Variants in C17orf99 observed in about 807,000 individuals in gnomAD.
The protein encoded by C17orf99 is protein IL-40.
A neutral mutation model predicts 22.6 loss-of-function variants in C17orf99; 18 were observed. That is an observed-to-expected ratio of 0.80 (90% CI 0.55 to 1.18). The LOEUF (loss-of-function observed/expected upper bound fraction) is 1.18, where lower values mean the gene tolerates loss of function less well. C17orf99 is among the 50% of genes most tolerant of loss of function. C17orf99 has a pLI of 0.00. For synonymous variants in C17orf99, 147 were observed against 136.6 expected (o/e 1.08, Z -0.53); for missense variants, 328 against 342.7 (o/e 0.96, Z 0.34).
chr17:78,146,413 G>T lies in C17orf99; in HGVS notation c.6G>T (p.Gly2=). The T allele has an allele frequency of 6.5e-7, 1 of 1,550,284 alleles. No homozygotes were observed. The highest frequency in any genetic ancestry group is 8.7e-7 in the Non-Finnish European group (1 of 1,146,874). The change falls in exon 1 of 5, where the codon GGG becomes GGT. Residue 2 remains glycine, a synonymous_variant. Transcript: ENST00000340363. This position sits in a 1 kb window ranked among gnomAD's most constrained non-coding sequence, Gnocchi z 5.2. ...GGCCCTACACCCACCGAGGCATGGG[G>T]CTCCCTGGGCTGTTCTGCTTGGCCG... M[G]LPGLFCLAVL...
intron 2 of C17orf99, chr17:78,157,496 T>G: frequency 8.1e-7 from 1 of 1,237,548 alleles, no homozygotes; most frequent in Non-Finnish European, 1.1e-6. Flanking sequence ...GTCCTCAGCA[T>G]TGTGTAAAAA....
At chr17:78,155,965 G>A (rs2075521955) in intron 2 of C17orf99, among the ~76,000 whole-genome samples, 1 of 151,882 alleles carries the variant, frequency 6.6e-6, no homozygotes. Flanking sequence ...CCCGCCATTG[G>A]TATAATACAA....
intron 2 of C17orf99, among the ~76,000 whole-genome samples, chr17:78,148,338 C>T (rs1826387046): frequency 6.6e-6 from 1 of 152,030 alleles, no homozygotes; most frequent in Non-Finnish European, 1.5e-5. Flanking sequence ...CACCACCATG[C>T]CCAGCTGATT....
At chr17:78,157,390 T>G in intron 2 of C17orf99, 207 of 1,198,446 alleles carry the variant, frequency 1.7e-4, no homozygotes, top group Non-Finnish European at 2.2e-4. Flanking sequence ...GTTGAGTCAG[T>G]GAGTTCGTGC....
intron 2 of C17orf99, among the ~76,000 whole-genome samples, chr17:78,149,680 C>T (rs963177880): frequency 1.3e-5 from 2 of 151,994 alleles, no homozygotes; most frequent in Non-Finnish European, 2.9e-5. Flanking sequence ...ACTACAGGCA[C>T]ACGCCATCAC....
intron 3 of C17orf99, 108 bp downstream of exon 3, chr17:78,161,362 G>GT (rs1284800311): frequency 2.0e-6 from 2 of 976,628 alleles, no homozygotes; most frequent in Admixed American, 4.5e-5. Context: ...GAGAGCCAGG[G>GT]TGTGAGGGTG....
At chr17:78,148,357 TAAAGA>T (rs2075452014) in intron 2 of C17orf99, among the ~76,000 whole-genome samples, 2 of 152,082 alleles carry the variant, frequency 1.3e-5, no homozygotes, top group Non-Finnish European at 2.9e-5. Flanking sequence ...TTTTTTTGTA[TAAAGA>T]AAATATTTTT....
Position 78,164,960 on chromosome 17 carries a change from T to C in C17orf99, c.640+596T>C, listed in dbSNP as rs1250627189. 7 of 1,142,394 alleles carry C rather than the reference T, an allele frequency of 6.1e-6. No homozygotes were observed. In the East Asian group the frequency reaches 4.6e-4, roughly 75 times the overall value. The allele number at this position is 1,142,394 out of a possible 1,614,324, so 70.8% of individuals were successfully genotyped here. A position where few individuals can be genotyped will look rare whatever the true frequency, so the allele number is the denominator to read the frequency against. ...GGAGGGCAGTCTCCTAAGTTCTTTATGGGGTCTGAGCAGGGATTGCAGGGA... is the reference window on the plus strand; with the variant it reads ...GGAGGGCAGTCTCCTAAGTTCTTTACGGGGTCTGAGCAGGGATTGCAGGGA... On this transcript the variant is annotated intron_variant, in intron 4 of 4. Coordinates refer to ENST00000340363, the MANE Select transcript of C17orf99 (RefSeq NM_001163075.2).
At chr17:78,147,403 G>A (rs538096556) in intron 2 of C17orf99, among the ~76,000 whole-genome samples, 1 of 152,300 alleles carries the variant, frequency 6.6e-6, no homozygotes, top group African/African-American at 2.4e-5. Flanking sequence ...TGACATACAC[G>A]AGGCTGCCTT....
In C17orf99 at chr17:78,161,098, A is replaced by C; in HGVS notation, c.214A>C (p.Lys72Gln). The C allele has an allele frequency of 6.4e-7, 1 of 1,551,776 alleles. No homozygotes were observed. Among genetic ancestry groups the C allele is most frequent in the Non-Finnish European group, 8.7e-7 (1 of 1,146,994 alleles). ...TGGAACCAAGAACATCAAGGTGGCCAAGAAGGTGGTGAAGACCCACGAGCC... is the reference window on the plus strand; with the variant it reads ...TGGAACCAAGAACATCAAGGTGGCCCAGAAGGTGGTGAAGACCCACGAGCC... The part of the protein sequence containing the change: ...LCGTKNIKVA[K>Q]KVVKTHEPAS... The change falls in exon 3 of 5, where the codon AAG becomes CAG. Residue 72 changes from lysine to glutamine, a missense_variant. By Grantham distance (53) the Lys-to-Gln change is moderately conservative (BLOSUM62 1). Coordinates refer to ENST00000340363, the MANE Select transcript of C17orf99 (RefSeq NM_001163075.2).
Position 78,162,654 on chromosome 17 carries a change from T to C in C17orf99, c.370+1400T>C, listed in dbSNP as rs960220646. On this transcript the variant is annotated intron_variant, in intron 3 of 4. Transcript: ENST00000340363. ...AACTGCTTTATCTGCAAAAGGAAAA[T>C]AATAACAGAGGCCAGTGAGGTGGCT... Among the ~76,000 whole-genome samples the C allele has an allele frequency of 4.1e-4, 62 of 152,004 alleles. 1 individual carries two copies. Among genetic ancestry groups the C allele is most frequent in the African/African-American group, 1.5e-3 (61 of 41,474 alleles).
chr17:78,146,711 G>A lies in C17orf99; in HGVS notation c.38-168G>A. 1 of 690,058 alleles carries A rather than the reference G, an allele frequency of 1.4e-6. No individual in the cohort carries two copies. Among genetic ancestry groups the A allele is most frequent in the Non-Finnish European group, 2.5e-6 (1 of 396,704 alleles). The allele number at this position is 690,058 out of a possible 1,614,324, so 42.7% of individuals were successfully genotyped here. The stretch of plus-strand genomic sequence containing the variant: ...GATGAGAGGCGATGTTGTGGGGGGA[G>A]GGGCGCAAAAGAGCTTTTGTGAGTG... On this transcript the variant is annotated intron_variant, in intron 1 of 4. Transcript: ENST00000340363. The surrounding 1 kb of genome is among the most constrained non-coding windows in gnomAD (Gnocchi z 5.2).
intron 4 of C17orf99, chr17:78,164,791 G>C (rs1461894762): frequency 7.9e-7 from 1 of 1,259,298 alleles, no homozygotes; most frequent in Non-Finnish European, 1.0e-6. Flanking sequence ...GGCAAAGAGC[G>C]GCCATCACCG....
chr17:78,145,952 C>T (rs553500731), upstream of C17orf99, among the ~76,000 whole-genome samples: 267 of 152,206 alleles, frequency 1.8e-3, 1 homozygote, highest in African/African-American at 5.9e-3. Context: ...CACGCCACCA[C>T]GCCCGGCTGA....
At chr17:78,152,165 T>C (rs1033756398) in intron 2 of C17orf99, among the ~76,000 whole-genome samples, 2 of 49,782 alleles carry the variant, frequency 4.0e-5, no homozygotes, top group Non-Finnish European at 6.3e-5. Context: ...ATGAATTTTA[T>C]TTATTTATTT....
At chr17:78,160,810 T>C in intron 2 of C17orf99, 145 bp from the exon 3 acceptor site, 1 of 651,092 alleles carries the variant, frequency 1.5e-6, no homozygotes. Context: ...TTTGAACTCC[T>C]GACCTCAAGT....
rs555145060 is a variant in C17orf99 at position 78,165,571 on chromosome 17, G to C, written c.641-318G>C. On this transcript the variant is annotated intron_variant, in intron 4 of 4. Coordinates refer to ENST00000340363, the MANE Select transcript of C17orf99 (RefSeq NM_001163075.2). ...GAATCTCAGCACTTTGGGAGGCTGAGGCAGGCGAATCACCTGAGGTCAGGA... is the reference window on the plus strand; with the variant it reads ...GAATCTCAGCACTTTGGGAGGCTGACGCAGGCGAATCACCTGAGGTCAGGA... 178 of 991,320 alleles carry C rather than the reference G, an allele frequency of 1.8e-4. No individual in the cohort carries two copies. The African/African-American group carries it at 2.9e-3, about 16-fold the overall frequency. 61.4% of individuals were successfully genotyped at this position (991,320 alleles called of 1,614,324 possible).
chr17:78,148,583 G>A (rs958975924), intron 2 of C17orf99, among the ~76,000 whole-genome samples: 1 of 152,112 alleles, frequency 6.6e-6, no homozygotes, highest in African/African-American at 2.4e-5. Flanking sequence ...AGAAGGAAAG[G>A]GAACACCAGG....
At chr17:78,156,660 G>A (rs2075527705) in intron 2 of C17orf99, among the ~76,000 whole-genome samples, 1 of 152,016 alleles carries the variant, frequency 6.6e-6, no homozygotes, top group Admixed American at 6.6e-5. Flanking sequence ...ACCCAGTCTG[G>A]AGTGCAGTGG....
Sources: gnomAD v4.1 joint callset for allele counts (sites outside exome capture counted in the v4.1 genomes callset) on GRCh38, gnomAD v4.1.1 for gene constraint, Gnocchi (gnomAD v3.1) non-coding constraint, MANE v1.5 for transcripts, NCBI Gene and HGNC (gene_info 2026-07-23, HGNC 2026-07-21) for gene names.